Variants in CACNA2D3 observed in about 807,000 individuals in gnomAD.
CACNA2D3 encodes voltage-dependent calcium channel subunit alpha-2/delta-3.
In CACNA2D3, 60 loss-of-function variants were observed where a neutral mutation model predicts 160.6. The observed-to-expected ratio is 0.37, with a 90% confidence interval of 0.30 to 0.46. The LOEUF (loss-of-function observed/expected upper bound fraction) is 0.46. Among genes scored for constraint, CACNA2D3 ranks in the 20% least tolerant of loss-of-function variants. The pLI, the probability that CACNA2D3 is intolerant of heterozygous loss-of-function variation, is 1.00. For synonymous variants in CACNA2D3, 558 were observed against 492.9 expected (o/e 1.13, Z -1.75); for missense variants, 1,205 against 1,365.0 (o/e 0.88, Z 1.85).
chr3:54,449,595 T>A (rs911045447), intron 4 of CACNA2D3, among the ~76,000 whole-genome samples: 16 of 152,164 alleles, frequency 1.1e-4, no homozygotes, highest in Non-Finnish European at 2.1e-4. Flanking sequence ...GATTGGATCA[T>A]GGGGGAGGTT....
In CACNA2D3 at chr3:54,310,457, T is replaced by A. The variant is rs60207589; in HGVS notation, c.205-9985T>A. ...ATACATTAGTTTTTATTGCAACATC[T>A]TTAGTAACATATCTAAAAATTGTCT... On this transcript the variant is annotated intron_variant, in intron 2 of 37. Coordinates refer to ENST00000474759, the MANE Select transcript of CACNA2D3 (RefSeq NM_018398.3). Among the ~76,000 whole-genome samples the A allele has an allele frequency of 3.8e-3, 573 of 152,322 alleles. 15 individuals are homozygous for A. The East Asian group carries it at 0.062, about 17-fold the overall frequency.
intron 5 of CACNA2D3, among the ~76,000 whole-genome samples, chr3:54,536,980 C>T (rs567971501): frequency 2.0e-5 from 3 of 152,190 alleles, no homozygotes; most frequent in East Asian, 1.9e-4. Context: ...CAGACTGTTG[C>T]GCATGAATAA....
intron 3 of CACNA2D3, among the ~76,000 whole-genome samples, chr3:54,338,914 C>T (rs540769748): frequency 6.6e-6 from 1 of 152,286 alleles, no homozygotes; most frequent in Admixed American, 6.5e-5. Context: ...GCCACAGCAG[C>T]TATTAGCAGC....
chr3:54,528,698 T>C (rs930716806), intron 5 of CACNA2D3, among the ~76,000 whole-genome samples: 7 of 152,186 alleles, frequency 4.6e-5, no homozygotes, highest in Non-Finnish European at 8.8e-5. Flanking sequence ...CTCTAATTAT[T>C]CCTGTCCAGG....
At chr3:54,388,505 G>T (rs1284706653) in intron 4 of CACNA2D3, among the ~76,000 whole-genome samples, 4 of 152,228 alleles carry the variant, frequency 2.6e-5, no homozygotes, top group African/African-American at 9.6e-5. Flanking sequence ...AGAGCCAGAG[G>T]TATAGCTAAG....
chr3:54,746,003 G>A (rs1445343059), intron 11 of CACNA2D3, among the ~76,000 whole-genome samples: 1 of 152,032 alleles, frequency 6.6e-6, no homozygotes, highest in Non-Finnish European at 1.5e-5. Context: ...GCTGTTCAGG[G>A]TAGCGTTACC....
chr3:54,137,918 A>C (rs1322143762), intron 2 of CACNA2D3, among the ~76,000 whole-genome samples: 2 of 152,226 alleles, frequency 1.3e-5, no homozygotes, highest in African/African-American at 4.8e-5. Context: ...GTTCAGTTTT[A>C]TTCTGGGAGG....
At chr3:54,516,586 A>T (rs781483862) in intron 5 of CACNA2D3, among the ~76,000 whole-genome samples, 5 of 152,138 alleles carry the variant, frequency 3.3e-5, no homozygotes, top group Non-Finnish European at 7.4e-5. Flanking sequence ...GAGATCAATA[A>T]AATGGCCTAC....
At chr3:54,654,820 C>A (rs975090339) in intron 11 of CACNA2D3, among the ~76,000 whole-genome samples, 4 of 152,170 alleles carry the variant, frequency 2.6e-5, no homozygotes, top group African/African-American at 9.7e-5. Context: ...ATGAGCTGTC[C>A]TTGCTGGAGT....
At chr3:55,072,854 C>T (rs358074) in intron 35 of CACNA2D3, among the ~76,000 whole-genome samples, 118,321 of 151,886 alleles carry the variant, frequency 0.78, 46,426 homozygotes, top group African/African-American at 0.83. Flanking sequence ...ACAGCCTTGG[C>T]TCTTTCTTAT....
chr3:54,838,423 A>C, intron 15 of CACNA2D3, 145 bp from the exon 16 acceptor site: 1 of 678,884 alleles, frequency 1.5e-6, no homozygotes, highest in Non-Finnish European at 2.6e-6. Context: ...GATAGAAGAG[A>C]CCATTCTTGG....
At chr3:54,443,412 C>A (rs527442050) in intron 4 of CACNA2D3, among the ~76,000 whole-genome samples, 2 of 152,158 alleles carry the variant, frequency 1.3e-5, no homozygotes, top group Non-Finnish European at 2.9e-5. Flanking sequence ...ACATTTGTTG[C>A]AAAACTTATG....
intron 27 of CACNA2D3, among the ~76,000 whole-genome samples, chr3:54,950,631 G>C (rs1027417969): frequency 5.9e-5 from 9 of 152,158 alleles, no homozygotes; most frequent in African/African-American, 1.9e-4. Context: ...ACAGCTCCAG[G>C]CTGTGGCAGG....
intron 11 of CACNA2D3, among the ~76,000 whole-genome samples, chr3:54,746,461 TGAGTTGGGCAGTGAG>T (rs1285368583): frequency 1.3e-5 from 2 of 152,190 alleles, no homozygotes; most frequent in Non-Finnish European, 2.9e-5. Context: ...AGGGAATAAC[TGAGTTGGGCAGTGAG>T]TCCAAAAGGA....
intron 5 of CACNA2D3, among the ~76,000 whole-genome samples, chr3:54,552,858 T>A (rs916601575): frequency 2.0e-5 from 3 of 152,228 alleles, no homozygotes; most frequent in African/African-American, 7.2e-5. Context: ...TTAAAATTGA[T>A]ATATTTATGG....
intron 3 of CACNA2D3, among the ~76,000 whole-genome samples, chr3:54,352,630 A>T (rs765041301): frequency 2.6e-5 from 4 of 152,216 alleles, no homozygotes; most frequent in Non-Finnish European, 5.9e-5. Context: ...AGTAGAGCCC[A>T]TGCTGGATGG....
chr3:54,312,072 T>C (rs976786191), intron 2 of CACNA2D3, among the ~76,000 whole-genome samples: 1 of 152,106 alleles, frequency 6.6e-6, no homozygotes, highest in South Asian at 2.1e-4. Context: ...GTCAGGGTTA[T>C]TGGGGGATCT....
At chr3:54,217,697 T>G (rs1701486017) in intron 2 of CACNA2D3, among the ~76,000 whole-genome samples, 1 of 152,126 alleles carries the variant, frequency 6.6e-6, no homozygotes. Context: ...GAGGAATGGA[T>G]GCTGCTTTGG....
chr3:54,199,972 G>A (rs1476846197), intron 2 of CACNA2D3, among the ~76,000 whole-genome samples: 1 of 152,236 alleles, frequency 6.6e-6, no homozygotes, highest in African/African-American at 2.4e-5. Flanking sequence ...ATTTGTGTGT[G>A]AGCTAGGTAT....
Sources: gnomAD v4.1 joint callset for allele counts (sites outside exome capture counted in the v4.1 genomes callset) on GRCh38, gnomAD v4.1.1 for gene constraint, MANE v1.5 for transcripts, NCBI Gene and HGNC (gene_info 2026-07-23, HGNC 2026-07-21) for gene names.